OPCML: variants seen among roughly 807,000 people sequenced by gnomAD.
OPCML encodes the protein opioid-binding protein/cell adhesion molecule.
In OPCML, 13 loss-of-function variants were observed where a neutral mutation model predicts 37.8. The ratio of observed to expected loss-of-function variants is 0.34; its 90% CI spans 0.22 to 0.55. The LOEUF (loss-of-function observed/expected upper bound fraction) is 0.55. OPCML is among the 20% of genes least tolerant of loss of function. The pLI is 0.91. For missense variants in OPCML, 341 were observed against 435.6 expected (o/e 0.78, Z 1.93); for synonymous variants, 176 against 168.8 (o/e 1.04, Z -0.33).
rs1565467750 is a variant in OPCML, at chr11:133,140,728, GACGACGACGACGACGACGAGGAAGAA to G, written c.62-197744_62-197719del. On this transcript the variant is annotated intron_variant, in intron 1 of 7. Transcript: ENST00000524381. Reference sequence around the variant, plus strand: ...AAGACGGAAGACGAAGACGGAAGACGACGACGACGACGACGACGAGGAAGAAGAAGACGACGAAGAAGAAGAAGAAG... The same window carrying G: ...AAGACGGAAGACGAAGACGGAAGACGGAAGACGACGAAGAAGAAGAAGAAG... 4.1e-3 allele frequency among the ~76,000 whole-genome samples: 9 copies of G among 2,202 alleles called. 3 individuals carry two copies. The highest frequency in any genetic ancestry group is 9.3e-3 in the Non-Finnish European group (4 of 428). 1.4% of individuals were successfully genotyped at this position (2,202 alleles called of 152,430 possible).
chr11:132,663,080 C>G (rs1004738903), intron 2 of OPCML, among the ~76,000 whole-genome samples: 7 of 152,162 alleles, frequency 4.6e-5, no homozygotes, highest in African/African-American at 1.7e-4. Flanking sequence ...AATTCAGACT[C>G]CATTCTCTTT....
intron 7 of OPCML, among the ~76,000 whole-genome samples, chr11:132,434,313 G>C (rs1037577712): frequency 5.3e-5 from 8 of 152,190 alleles, no homozygotes; most frequent in African/African-American, 1.9e-4. Flanking sequence ...TCATCTCTTT[G>C]CATGTGAATG....
chr11:132,494,628 A>G (rs1319435686), intron 4 of OPCML, among the ~76,000 whole-genome samples: 2 of 152,236 alleles, frequency 1.3e-5, no homozygotes, highest in Non-Finnish European at 2.9e-5. Flanking sequence ...GAAAAAAAAG[A>G]ACTCTAGAAT....
In OPCML at chr11:133,532,277, C is replaced by T; in HGVS notation, c.48G>A (p.Leu16=). 1 of 1,613,980 alleles carries T rather than the reference C, an allele frequency of 6.2e-7. No individual in the cohort carries two copies. The change falls in exon 1 of 8, where the codon CTG becomes CTA. Residue 16 remains leucine, a synonymous_variant. Coordinates refer to ENST00000524381, the MANE Select transcript of OPCML (RefSeq NM_001012393.5). ...YWVVFSATTA[L]LFIPGVPVRS... The stretch of plus-strand genomic sequence containing the variant: ...CCTGTACGGTACCTGGGATGAAGAG[C>T]AGGGCAGTTGTCGCCGAGAAGACGA...
intron 4 of OPCML, among the ~76,000 whole-genome samples, chr11:132,527,565 G>C (rs879845986): frequency 1.3e-5 from 2 of 151,754 alleles, no homozygotes; most frequent in African/African-American, 4.8e-5. Context: ...TCAGTTTGAA[G>C]TGGAGTGTTA....
At chr11:132,494,171 A>G (rs966266201) in intron 4 of OPCML, among the ~76,000 whole-genome samples, 2 of 152,202 alleles carry the variant, frequency 1.3e-5, no homozygotes, top group African/African-American at 4.8e-5. Context: ...GTTGTTGTCA[A>G]TAATACTTTT....
At chr11:132,454,418 C>T (rs2096076209) in intron 4 of OPCML, among the ~76,000 whole-genome samples, 1 of 152,154 alleles carries the variant, frequency 6.6e-6, no homozygotes, top group Admixed American at 6.5e-5. Context: ...GAGCCAGAGC[C>T]CACTCTTCCG....
intron 2 of OPCML, among the ~76,000 whole-genome samples, chr11:132,757,324 G>A (rs2136086053): frequency 6.6e-6 from 1 of 152,266 alleles, no homozygotes; most frequent in East Asian, 1.9e-4. Context: ...CCAGTAATTG[G>A]ATTGCTGGGT....
At chr11:132,771,901 C>T (rs1355115009) in intron 2 of OPCML, 1 of 152,226 alleles carries the variant, frequency 6.6e-6, no homozygotes, top group Non-Finnish European at 1.5e-5. Flanking sequence ...GCTAACGCGG[C>T]CTCTTCTTGT....
At chr11:133,313,197 G>A (rs961742211) in intron 1 of OPCML, among the ~76,000 whole-genome samples, 11 of 151,998 alleles carry the variant, frequency 7.2e-5, no homozygotes, top group East Asian at 1.9e-4. Flanking sequence ...TAATATTCCC[G>A]GTGATCAGAA....
intron 1 of OPCML, among the ~76,000 whole-genome samples, chr11:133,363,989 C>T (rs1453574524): frequency 6.6e-6 from 1 of 152,154 alleles, no homozygotes; most frequent in Non-Finnish European, 1.5e-5. Flanking sequence ...CATCTGTTTT[C>T]ATGCACAGGT....
intron 2 of OPCML, among the ~76,000 whole-genome samples, chr11:132,883,795 A>G (rs1036683249): frequency 8.5e-5 from 13 of 152,238 alleles, no homozygotes; most frequent in Non-Finnish European, 1.3e-4. Flanking sequence ...ACACTAAAAA[A>G]TCACAAATCA....
At chr11:132,459,664 A>G (rs2096094366) in intron 4 of OPCML, among the ~76,000 whole-genome samples, 1 of 151,692 alleles carries the variant, frequency 6.6e-6, no homozygotes, top group Non-Finnish European at 1.5e-5. Flanking sequence ...AACATTACAT[A>G]TTGGTTATGT....
intron 1 of OPCML, among the ~76,000 whole-genome samples, chr11:133,399,923 A>G (rs1224294301): frequency 6.6e-6 from 1 of 151,596 alleles, no homozygotes; most frequent in Non-Finnish European, 1.5e-5. Context: ...CTACTAATGC[A>G]TGCACACGTC....
chr11:132,834,010 C>T (rs961880465), intron 2 of OPCML, among the ~76,000 whole-genome samples: 1 of 152,134 alleles, frequency 6.6e-6, no homozygotes, highest in African/African-American at 2.4e-5. Flanking sequence ...TATGGGTGCC[C>T]TTCTTATAGA....
intron 1 of OPCML, among the ~76,000 whole-genome samples, chr11:133,358,272 C>T (rs1398974593): frequency 6.6e-6 from 1 of 152,046 alleles, no homozygotes; most frequent in Non-Finnish European, 1.5e-5. Context: ...TTTTGTTTCC[C>T]CTAGTGAACT....
chr11:133,049,594 C>T (rs1024093288), intron 1 of OPCML, among the ~76,000 whole-genome samples: 4 of 152,166 alleles, frequency 2.6e-5, no homozygotes, highest in African/African-American at 9.7e-5. Flanking sequence ...TGAGGAAATG[C>T]TTGGAATTCA....
intron 1 of OPCML, among the ~76,000 whole-genome samples, chr11:132,963,187 T>C (rs1256943754): frequency 1.3e-5 from 2 of 152,112 alleles, no homozygotes; most frequent in African/African-American, 2.4e-5. Flanking sequence ...ATTTTTGTAA[T>C]GTGTGTTAAC....
chr11:132,967,561 C>A (rs1448721548), intron 1 of OPCML, among the ~76,000 whole-genome samples: 5 of 152,094 alleles, frequency 3.3e-5, no homozygotes, highest in Admixed American at 3.3e-4. Context: ...ACCCACCCAC[C>A]ACTTTTACTG....
Sources: allele counts gnomAD v4.1 joint callset (sites outside exome capture counted in the v4.1 genomes callset), GRCh38; gene constraint gnomAD v4.1.1; transcripts MANE v1.5; gene names NCBI Gene and HGNC (gene_info 2026-07-23, HGNC 2026-07-21).